The following FGFR1OP2 variants were observed in gnomAD, a reference collection of about 807,000 sequenced individuals.
FGFR1OP2 encodes fibroblast growth factor receptor 1 oncogene partner 2.
FGFR1OP2 carries 17 observed loss-of-function variants against 35.2 expected under a neutral mutation model. The ratio of observed to expected loss-of-function variants is 0.48; its 90% confidence interval spans 0.33 to 0.73. FGFR1OP2 has a LOEUF of 0.73. Ranked by LOEUF, FGFR1OP2 falls within the 30% of genes least tolerant of loss-of-function variation. The pLI is 0.02. For missense variants in FGFR1OP2, 251 were observed against 307.3 expected, an observed-to-expected ratio of 0.82 and a Z score of 1.37; for synonymous variants, 105 against 104.6, an observed-to-expected ratio of 1.00 and a Z score of -0.03.
chr12:26,963,908 G>A (rs1369571069), intron 6 of FGFR1OP2, among the ~76,000 whole-genome samples: 1 of 152,074 alleles, frequency 6.6e-6, no homozygotes, highest in Non-Finnish European at 1.5e-5. Context: ...CAGTACAATA[G>A]ACTTTTATGC....
At chr12:26,942,144 T>C (rs1938745603) in intron 1 of FGFR1OP2, among the ~76,000 whole-genome samples, 1 of 152,244 alleles carries the variant, frequency 6.6e-6, no homozygotes, top group Non-Finnish European at 1.5e-5. Context: ...GCAGTTCTCC[T>C]GCCTCAGCCT....
At position 26,960,512 on chromosome 12, in the gene FGFR1OP2, C is replaced by T. The variant is rs551559873; in HGVS notation, c.397-3C>T. 22 of 1,606,856 alleles carry T rather than the reference C, an allele frequency of 1.4e-5. No homozygotes were observed. In the East Asian group the frequency reaches 3.3e-4, roughly 24 times the overall value. On this transcript the variant is annotated splice_region_variant and splice_polypyrimidine_tract_variant and intron_variant, in intron 4 of 6. Transcript: ENST00000229395. ...TTAACATTATAATGACTCTATACTA[C>T]AGATTGACATGGTACATCGTAACAA...
chr12:26,943,046 T>G (rs905091728), intron 1 of FGFR1OP2, among the ~76,000 whole-genome samples: 1 of 152,220 alleles, frequency 6.6e-6, no homozygotes, highest in African/African-American at 2.4e-5. Flanking sequence ...AGATTTTCTC[T>G]TATTTTTTTC....
chr12:26,963,611 T>C (rs1939134601), intron 6 of FGFR1OP2, among the ~76,000 whole-genome samples, 156 bp downstream of exon 6: 1 of 152,192 alleles, frequency 6.6e-6, no homozygotes, highest in African/African-American at 2.4e-5. Context: ...AGACCATTTA[T>C]GTGGTGATGC....
chr12:26,964,062 C>T (rs1440346646), intron 6 of FGFR1OP2, among the ~76,000 whole-genome samples: 2 of 151,976 alleles, frequency 1.3e-5, no homozygotes, highest in Admixed American at 1.3e-4. Flanking sequence ...CAGTAACTAA[C>T]CAAAAGGAGG....
intron 3 of FGFR1OP2, among the ~76,000 whole-genome samples, chr12:26,956,988 G>C (rs1332824131): frequency 6.6e-6 from 1 of 152,140 alleles, no homozygotes; most frequent in East Asian, 1.9e-4. Flanking sequence ...AAATCAGTCT[G>C]ATCATGTAAT....
chr12:26,952,033 T>TA (rs1938937047), intron 1 of FGFR1OP2, among the ~76,000 whole-genome samples: 1 of 151,748 alleles, frequency 6.6e-6, no homozygotes, highest in Non-Finnish European at 1.5e-5. Context: ...ATTTTTACTA[T>TA]AAAACCAATT....
At chr12:26,946,716 T>G (rs1218092848) in intron 1 of FGFR1OP2, among the ~76,000 whole-genome samples, 1 of 152,246 alleles carries the variant, frequency 6.6e-6, no homozygotes, top group Non-Finnish European at 1.5e-5. Flanking sequence ...AAGTGTACAC[T>G]TTTAGGGTTT....
intron 1 of FGFR1OP2, among the ~76,000 whole-genome samples, chr12:26,952,087 C>CTTTTTTTTTT (rs34270981): frequency 3.4e-5 from 4 of 117,218 alleles, no homozygotes; most frequent in Non-Finnish European, 3.5e-5. Context: ...AGTGCCCGTC[C>CTTTTTTTTTT]TTTTTTTTTT....
At chr12:26,938,896 C>T (rs1938641265) in intron 1 of FGFR1OP2, among the ~76,000 whole-genome samples, 186 bp downstream of exon 1, 1 of 152,166 alleles carries the variant, frequency 6.6e-6, no homozygotes, top group Non-Finnish European at 1.5e-5. Context: ...CCCCCGACTC[C>T]GAGCTCCTCT....
chr12:26,959,650 C>T (rs1359631913), intron 4 of FGFR1OP2, among the ~76,000 whole-genome samples: 1 of 152,060 alleles, frequency 6.6e-6, no homozygotes, highest in African/African-American at 2.4e-5. Flanking sequence ...AGCTGTAAGC[C>T]ATCCTTTTTT....
chr12:26,943,702 G>A (rs1250704362), intron 1 of FGFR1OP2, among the ~76,000 whole-genome samples: 1 of 152,120 alleles, frequency 6.6e-6, no homozygotes, highest in Non-Finnish European at 1.5e-5. Context: ...GCGCACGCTT[G>A]TAATCTCAGC....
In FGFR1OP2 at chr12:26,960,473, G is replaced by C. The variant is rs760952776; in HGVS notation, c.397-42G>C. 4.3e-6 allele frequency: 6 copies of C among 1,394,968 alleles called. No individual in the cohort carries two copies. In the Admixed American group the frequency reaches 8.9e-5, roughly 21 times the overall value. 86.4% of individuals were successfully genotyped at this position (1,394,968 alleles called of 1,614,324 possible). Reference sequence around the variant, plus strand: ...AACACTCATTCAGTTTTTAAATTACGGATGATATCCGTATTAACATTATAA... The same window carrying C: ...AACACTCATTCAGTTTTTAAATTACCGATGATATCCGTATTAACATTATAA... On this transcript the variant is annotated intron_variant, in intron 4 of 6. Coordinates refer to ENST00000229395, the MANE Select transcript of FGFR1OP2 (RefSeq NM_015633.3).
In FGFR1OP2 at chr12:26,965,862, A is replaced by T. The variant is rs1939169612; in HGVS notation, c.*1129A>T. On this transcript the variant is annotated 3_prime_UTR_variant, in exon 7 of 7. Transcript: ENST00000229395. ...ATGTAATTTTTTTAAAAACCACCAG[A>T]TACAGAAATGTGCTTTAACATCAGT... The T allele has an allele frequency of 6.6e-6, 1 of 152,090 alleles. No homozygotes were observed. The highest frequency in any genetic ancestry group is 1.5e-5 in the Non-Finnish European group (1 of 67,972). 9.4% of individuals were successfully genotyped at this position (152,090 alleles called of 1,614,324 possible). A position where few individuals can be genotyped will look rare whatever the true frequency, so the allele number is the denominator to read the frequency against.
At chr12:26,943,013 C>T (rs941312434) in intron 1 of FGFR1OP2, among the ~76,000 whole-genome samples, 1 of 152,138 alleles carries the variant, frequency 6.6e-6, no homozygotes, top group African/African-American at 2.4e-5. Flanking sequence ...TTACAAAAAC[C>T]TTTGCCTAAC....
chr12:26,940,864 A>T (rs901194628), intron 1 of FGFR1OP2, among the ~76,000 whole-genome samples: 1 of 152,112 alleles, frequency 6.6e-6, no homozygotes, highest in Non-Finnish European at 1.5e-5. Context: ...CTTACATTTC[A>T]TTTATATTCC....
intron 3 of FGFR1OP2, 113 bp downstream of exon 3, chr12:26,956,773 T>G (rs985265566): frequency 4.3e-6 from 2 of 467,932 alleles, no homozygotes; most frequent in Admixed American, 3.4e-5. Flanking sequence ...TGACATCCTC[T>G]TAGATTCTCA....
rs186548305 is a variant in FGFR1OP2 at position 26,960,068 on chromosome 12, G to C, written c.397-447G>C. On this transcript the variant is annotated intron_variant, in intron 4 of 6. Transcript: ENST00000229395. ...CCTTGAATTAATTATGGGCAGGTAGGTAAACAAGCAGAAGTGGGTGGGTGG... is the reference window on the plus strand; with the variant it reads ...CCTTGAATTAATTATGGGCAGGTAGCTAAACAAGCAGAAGTGGGTGGGTGG... Among the ~76,000 whole-genome samples the C allele has an allele frequency of 2.0e-5, 3 of 152,120 alleles. No homozygotes were observed. In the East Asian group the frequency reaches 5.8e-4, roughly 29 times the overall value.
chr12:26,963,841 T>C (rs1163013399), intron 6 of FGFR1OP2, among the ~76,000 whole-genome samples: 1 of 152,166 alleles, frequency 6.6e-6, no homozygotes, highest in Admixed American at 6.5e-5. Flanking sequence ...TAAAAACCTT[T>C]GTCATCTGTC....
Sources: allele counts gnomAD v4.1 joint callset (sites outside exome capture counted in the v4.1 genomes callset), GRCh38; gene constraint gnomAD v4.1.1; transcripts MANE v1.5; gene names NCBI Gene and HGNC (gene_info 2026-07-23, HGNC 2026-07-21).